The following CDKN2B-AS1 variants were observed in gnomAD, a reference collection of about 807,000 sequenced individuals.
CDKN2B-AS1 encodes CDKN2B antisense RNA 1 (non-protein coding).
intron 1 of CDKN2B-AS1, among the ~76,000 whole-genome samples, chr9:22,032,307 T>A (rs183752327): frequency 1.3e-5 from 2 of 152,274 alleles, no homozygotes; most frequent in East Asian, 3.9e-4. Flanking sequence ...ACCTTTTCTT[T>A]TTCTCTTATT....
chr9:22,008,992 C>T, intron 1 of CDKN2B-AS1: 2 of 1,613,464 alleles, frequency 1.2e-6, no homozygotes, highest in Non-Finnish European at 1.7e-6. Context: ...GGATAATCCA[C>T]CGTTGGCCGT....
At chr9:22,076,282 G>C (rs1163756239) in intron 4 of CDKN2B-AS1, among the ~76,000 whole-genome samples, 2 of 152,050 alleles carry the variant, frequency 1.3e-5, no homozygotes. Flanking sequence ...TTGAACTCCT[G>C]ACCTCAGGTG....
intron 4 of CDKN2B-AS1, among the ~76,000 whole-genome samples, chr9:22,078,331 A>C (rs1824574213): frequency 6.7e-6 from 1 of 150,214 alleles, no homozygotes; most frequent in African/African-American, 2.5e-5. Context: ...AGTAGCTAAA[A>C]CCCCCATTTT....
intron 1 of CDKN2B-AS1, among the ~76,000 whole-genome samples, chr9:22,025,823 C>T (rs1044124075): frequency 8.5e-5 from 13 of 152,112 alleles, no homozygotes; most frequent in African/African-American, 3.1e-4. Context: ...GACCTGCTTT[C>T]AAAAGTAGTC....
intron 1 of CDKN2B-AS1, among the ~76,000 whole-genome samples, chr9:22,014,577 A>G (rs1821657462): frequency 6.6e-6 from 1 of 152,148 alleles, no homozygotes; most frequent in South Asian, 2.1e-4. Flanking sequence ...TAAATTTTCA[A>G]AATAATGAGT....
chr9:22,012,553 C>A (rs1470253446), intron 1 of CDKN2B-AS1: 2 of 555,800 alleles, frequency 3.6e-6, no homozygotes, highest in Non-Finnish European at 6.9e-6. Flanking sequence ...CTTCCTTCCT[C>A]GGAGGGCAGC....
rs1322128189 is a variant in CDKN2B-AS1 at position 22,001,340 on chromosome 9, A to C, written n.29+6179A>C. 1.3e-5 allele frequency among the ~76,000 whole-genome samples: 2 copies of C among 152,128 alleles called. No homozygotes were observed. The highest frequency in any genetic ancestry group is 2.9e-5 in the Non-Finnish European group (2 of 67,992). ...GGAAGTCTAATGCCAGGGGCTTCTG[A>C]GTGTGAAGTGGATTAATAGGTGTTT... is the stretch of plus-strand genomic sequence containing the variant. On this transcript the variant is annotated intron_variant and non_coding_transcript_variant, in intron 1 of 4. Coordinates refer to ENST00000650946, the Ensembl canonical transcript of CDKN2B-AS1. The surrounding 1 kb of genome is among the most constrained non-coding windows in gnomAD (Gnocchi z 4.2).
intron 4 of CDKN2B-AS1, among the ~76,000 whole-genome samples, chr9:22,082,783 G>T (rs865951615): frequency 4.6e-5 from 7 of 152,208 alleles, no homozygotes; most frequent in Non-Finnish European, 7.3e-5. Flanking sequence ...CTTGCTGGTA[G>T]TTAGGTAAGT....
At chr9:22,099,748 A>T (rs1354578518) in intron 4 of CDKN2B-AS1, among the ~76,000 whole-genome samples, 2 of 54,798 alleles carry the variant, frequency 3.6e-5, no homozygotes. Context: ...ATTATTAAGT[A>T]AAAAAAAGGA....
intron 4 of CDKN2B-AS1, among the ~76,000 whole-genome samples, chr9:22,108,751 A>G (rs1304927480): frequency 3.9e-5 from 6 of 152,226 alleles, no homozygotes; most frequent in African/African-American, 1.4e-4. Context: ...CTAAATTGGT[A>G]AATAGCAGTG....
chr9:22,029,027 A>G (rs1822357876), intron 1 of CDKN2B-AS1, among the ~76,000 whole-genome samples: 1 of 150,552 alleles, frequency 6.6e-6, no homozygotes, highest in South Asian at 2.1e-4. Flanking sequence ...CATCAAAAAG[A>G]ATGATGATGC....
chr9:22,055,447 G>A (rs1347706788), intron 3 of CDKN2B-AS1, among the ~76,000 whole-genome samples: 1 of 152,198 alleles, frequency 6.6e-6, no homozygotes, highest in Non-Finnish European at 1.5e-5. Flanking sequence ...AGATCTGGGA[G>A]AAAAATTAGT....
chr9:22,038,472 T>C (rs1822775829), intron 1 of CDKN2B-AS1, among the ~76,000 whole-genome samples: 1 of 152,050 alleles, frequency 6.6e-6, no homozygotes, highest in Non-Finnish European at 1.5e-5. Context: ...TTACTTTAAT[T>C]GCTCAGCTGC....
At chr9:22,026,835 G>C (rs1591136) in intron 1 of CDKN2B-AS1, among the ~76,000 whole-genome samples, 88,344 of 151,954 alleles carry the variant, frequency 0.58, 26,674 homozygotes, top group African/African-American at 0.71. Flanking sequence ...TGTGTGAAGG[G>C]CCTAATGGAG....
At chr9:22,033,997 A>C (rs552366930) in intron 1 of CDKN2B-AS1, among the ~76,000 whole-genome samples, 2 of 152,364 alleles carry the variant, frequency 1.3e-5, no homozygotes, top group Admixed American at 1.3e-4. Flanking sequence ...AGTATGCTTG[A>C]TTCCCCAAAC....
At chr9:22,026,697 G>T (rs1340600506) in intron 1 of CDKN2B-AS1, among the ~76,000 whole-genome samples, 1 of 152,164 alleles carries the variant, frequency 6.6e-6, no homozygotes, top group African/African-American at 2.4e-5. Context: ...TATGTTTGGG[G>T]GTCTAACCTC....
intron 4 of CDKN2B-AS1, among the ~76,000 whole-genome samples, chr9:22,060,406 A>G (rs1462780573): frequency 6.6e-6 from 1 of 152,222 alleles, no homozygotes; most frequent in African/African-American, 2.4e-5. Context: ...CATTTGCTCC[A>G]GTTCCCAACA....
chr9:22,077,781 G>C (rs1169420161), intron 4 of CDKN2B-AS1: 3 of 152,152 alleles, frequency 2.0e-5, no homozygotes, highest in African/African-American at 7.2e-5. Context: ...TCACTGATTA[G>C]CTGTATTATA....
intron 1 of CDKN2B-AS1, chr9:22,030,255 A>G (rs1198174745): frequency 6.6e-6 from 1 of 152,158 alleles, no homozygotes; most frequent in East Asian, 1.9e-4. Flanking sequence ...TAGAATTATC[A>G]TTGGCGTGGA....
Sources: allele counts gnomAD v4.1 joint callset (sites outside exome capture counted in the v4.1 genomes callset), GRCh38; gene constraint gnomAD v4.1.1; non-coding constraint Gnocchi (gnomAD v3.1); transcripts MANE v1.5; gene names NCBI Gene and HGNC (gene_info 2026-07-23, HGNC 2026-07-21).